Variants in LRP1B observed in about 807,000 individuals in gnomAD.
The protein encoded by LRP1B is LDL receptor related protein 1B, also known as low-density lipoprotein receptor-related protein 1B.
Under a neutral mutation model 556.6 loss-of-function variants are expected in LRP1B, and 217 were observed. That is an observed-to-expected ratio of 0.39 (90% confidence interval 0.35 to 0.44). The LOEUF (loss-of-function observed/expected upper bound fraction) is 0.44. Among genes scored for constraint, LRP1B ranks in the 20% least tolerant of loss-of-function variants. The pLI is 1.00. For synonymous variants in LRP1B, 2,047 were observed against 1,865.8 expected (o/e 1.10, Z -2.50); for missense variants, 5,053 against 5,620.8 (o/e 0.90, Z 3.23).
At position 141,999,504 on chromosome 2, in the gene LRP1B, G is replaced by T. The variant is rs182084461; in HGVS notation, c.82+131144C>A. On this transcript the variant is annotated intron_variant, in intron 1 of 90. Transcript: ENST00000389484. ...AAAATATATTACAAAAGACCGCAAT[G>T]GCTTGTTTAATTTTATTGAATTTTG... Among the ~76,000 whole-genome samples the T allele has an allele frequency of 2.4e-4, 37 of 152,032 alleles. 1 individual carries two copies. Among genetic ancestry groups the T allele is most frequent in the African/African-American group, 8.7e-4 (36 of 41,494 alleles).
chr2:141,384,551 T>A (rs1689761112), intron 3 of LRP1B, among the ~76,000 whole-genome samples: 1 of 152,144 alleles, frequency 6.6e-6, no homozygotes, highest in Admixed American at 6.5e-5. Context: ...TGGTCTCCCC[T>A]GTGTGAGACA....
At chr2:142,075,208 G>A (rs542925970) in intron 1 of LRP1B, among the ~76,000 whole-genome samples, 23 of 152,158 alleles carry the variant, frequency 1.5e-4, no homozygotes, top group African/African-American at 5.5e-4. Context: ...ATAGATAATA[G>A]GAAAGGTATA....
intron 47 of LRP1B, among the ~76,000 whole-genome samples, chr2:140,527,311 A>G (rs1690479764): frequency 6.6e-6 from 1 of 151,904 alleles, no homozygotes; most frequent in Admixed American, 6.6e-5. Context: ...CTACAAGTTG[A>G]TTACATTAAA....
intron 3 of LRP1B, among the ~76,000 whole-genome samples, chr2:141,466,038 G>A (rs1682182064): frequency 6.6e-6 from 1 of 151,934 alleles, no homozygotes; most frequent in Admixed American, 6.6e-5. Flanking sequence ...ACAGGTGCCT[G>A]CTACTGCACC....
rs1476748294 is a variant in LRP1B, at chr2:140,495,468, A to AG, written c.9034+96dup. Reference sequence around the variant, plus strand: ...TAGAGAAGAATTTTGATTTTTCAGAAGCATCAAGGAGGAGTGAATTCAATA... The same window carrying AG: ...TAGAGAAGAATTTTGATTTTTCAGAAGGCATCAAGGAGGAGTGAATTCAATA... On this transcript the variant is annotated intron_variant, in intron 56 of 90. Coordinates refer to ENST00000389484, the MANE Select transcript of LRP1B (RefSeq NM_018557.3). 4.6e-6 allele frequency: 5 copies of AG among 1,097,986 alleles called. No individual in the cohort carries two copies. The African/African-American group carries it at 7.7e-5, about 17-fold the overall frequency. The allele number at this position is 1,097,986 out of a possible 1,614,324, so 68.0% of individuals were successfully genotyped here. A position where few individuals can be genotyped will look rare whatever the true frequency, so the allele number is the denominator to read the frequency against.
At chr2:141,518,712 G>A (rs1023180771) in intron 2 of LRP1B, among the ~76,000 whole-genome samples, 6 of 152,114 alleles carry the variant, frequency 3.9e-5, no homozygotes, top group African/African-American at 1.2e-4. Flanking sequence ...ACTTTGGGAC[G>A]CCGAGGTGGG....
At chr2:141,113,132 C>G (rs537482898) in intron 7 of LRP1B, among the ~76,000 whole-genome samples, 1 of 152,206 alleles carries the variant, frequency 6.6e-6, no homozygotes, top group East Asian at 1.9e-4. Flanking sequence ...ATAAAACTAA[C>G]TTTTAATTTT....
chr2:140,342,116 T>G (rs995614735), intron 77 of LRP1B, among the ~76,000 whole-genome samples: 2 of 151,546 alleles, frequency 1.3e-5, no homozygotes, highest in African/African-American at 2.4e-5. Flanking sequence ...ACTATTTATT[T>G]GTGAATTCAT....
Position 141,076,320 on chromosome 2 carries a change from A to G in LRP1B, c.1014-14047T>C, listed in dbSNP as rs563943551. On this transcript the variant is annotated intron_variant, in intron 7 of 90. Transcript: ENST00000389484. ...ATGAGCTTCAGGGGTTCCATCAACA[A>G]CCAGTTGTGTAGGGCTGTGTTGGCA... Among the ~76,000 whole-genome samples the G allele has an allele frequency of 1.2e-4, 19 of 152,284 alleles. 1 individual carries two copies. In the South Asian group the frequency reaches 3.7e-3, roughly 30 times the overall value.
intron 59 of LRP1B, among the ~76,000 whole-genome samples, chr2:140,484,604 C>G (rs541923783): frequency 6.6e-6 from 1 of 152,192 alleles, no homozygotes; most frequent in Admixed American, 6.5e-5. Flanking sequence ...TGTAATCACT[C>G]TAAATTACAG....
chr2:140,531,134 A>G (rs1273728087), intron 47 of LRP1B, among the ~76,000 whole-genome samples: 2 of 152,138 alleles, frequency 1.3e-5, no homozygotes, highest in African/African-American at 2.4e-5. Context: ...GAGAAAACCC[A>G]TAGTAACATA....
intron 2 of LRP1B, among the ~76,000 whole-genome samples, chr2:141,807,874 C>A (rs1696214909): frequency 6.6e-6 from 1 of 152,022 alleles, no homozygotes; most frequent in Admixed American, 6.6e-5. Context: ...AGGCCTGGTA[C>A]ACTGGTGTGG....
At chr2:141,955,700 C>T (rs73964853) in intron 1 of LRP1B, among the ~76,000 whole-genome samples, 2 of 151,898 alleles carry the variant, frequency 1.3e-5, no homozygotes, top group South Asian at 2.1e-4. Context: ...CAGCTCACAT[C>T]GCTGTTTTCC....
At chr2:140,967,062 T>G (rs1336250640) in intron 18 of LRP1B, among the ~76,000 whole-genome samples, 1 of 152,166 alleles carries the variant, frequency 6.6e-6, no homozygotes, top group African/African-American at 2.4e-5. Flanking sequence ...TAAAGTAGTT[T>G]TTTCCAGTTC....
chr2:141,822,130 C>CACACACACACACACAGAGAGAG (rs374369026), intron 1 of LRP1B, among the ~76,000 whole-genome samples: 2 of 95,894 alleles, frequency 2.1e-5, no homozygotes, highest in African/African-American at 8.9e-5. Flanking sequence ...CACACACACA[C>CACACACACACACACAGAGAGAG]AGAGAGAGAG....
Position 140,356,390 on chromosome 2 carries a change from G to T in LRP1B, c.11482C>A (p.Arg3828Ser). The T allele has an allele frequency of 6.2e-7, 1 of 1,610,718 alleles. No individual in the cohort carries two copies. The highest frequency in any genetic ancestry group is 1.1e-5 in the South Asian group (1 of 90,972). ...CNQIKTSVFC[R>S]CKPGFQRNMK... ...TTTCTCTGAAATCCAGGCTTACAGC[G>T]ACAGAAAACAGATGTTTTTATTTGA... The change falls in exon 75 of 91, where the codon CGC (arginine) becomes AGC (serine). Residue 3828 changes from arginine (R) to serine (S), a missense_variant. Transcript: ENST00000389484.
chr2:141,189,818 G>T (rs944808801), intron 6 of LRP1B, among the ~76,000 whole-genome samples: 3 of 147,498 alleles, frequency 2.0e-5, no homozygotes, highest in African/African-American at 7.3e-5. Context: ...TTAGAAAAAG[G>T]TATCCCAAAA....
chr2:140,281,841 G>A (rs574023540), intron 84 of LRP1B, among the ~76,000 whole-genome samples: 15 of 151,804 alleles, frequency 9.9e-5, no homozygotes, highest in African/African-American at 3.4e-4. Flanking sequence ...GTGTCCCAGA[G>A]GCAGTAGATC....
intron 2 of LRP1B, among the ~76,000 whole-genome samples, chr2:141,524,874 G>GA (rs1485912280): frequency 6.6e-6 from 1 of 151,712 alleles, no homozygotes; most frequent in East Asian, 1.9e-4. Flanking sequence ...ATTTTTAAAA[G>GA]AAAAAACAGT....
Sources: gnomAD v4.1 joint callset for allele counts (sites outside exome capture counted in the v4.1 genomes callset) on GRCh38, gnomAD v4.1.1 for gene constraint, MANE v1.5 for transcripts, NCBI Gene and HGNC (gene_info 2026-07-23, HGNC 2026-07-21) for gene names.